Variants in ELAPOR2 observed in about 807,000 individuals in gnomAD.
ELAPOR2 encodes the protein endosome-lysosome associated apoptosis and autophagy regulator family member 2, also known as endosome/lysosome-associated apoptosis and autophagy regulator family member 2.
In ELAPOR2, 89 loss-of-function variants were observed where a neutral mutation model predicts 120.7. The observed-to-expected ratio is 0.74, with a 90% CI of 0.62 to 0.88. The LOEUF (loss-of-function observed/expected upper bound fraction) is 0.88. Ranked by LOEUF, ELAPOR2 falls within the 40% of genes least tolerant of loss-of-function variation. ELAPOR2 has a pLI of 0.00. For missense variants in ELAPOR2, 1,134 were observed against 1,251.6 expected (o/e 0.91, Z 1.42); for synonymous variants, 444 against 444.9 (o/e 1.00, Z 0.03).
At chr7:87,017,701 A>C (rs900236318) in intron 1 of ELAPOR2, among the ~76,000 whole-genome samples, 1 of 152,082 alleles carries the variant, frequency 6.6e-6, no homozygotes, top group Non-Finnish European at 1.5e-5. Flanking sequence ...TGGGCAGAAC[A>C]CTTGAGCTCA....
At chr7:86,929,242 G>A (rs929540320) in intron 8 of ELAPOR2, among the ~76,000 whole-genome samples, 2 of 151,932 alleles carry the variant, frequency 1.3e-5, no homozygotes, top group African/African-American at 4.8e-5. Context: ...CAAATTTTGA[G>A]ACTGGCTTTG....
intron 1 of ELAPOR2, among the ~76,000 whole-genome samples, chr7:87,050,415 T>C (rs1795067281): frequency 6.6e-6 from 1 of 152,088 alleles, no homozygotes; most frequent in African/African-American, 2.4e-5. Context: ...TACCTGCCCC[T>C]CCACTCACTC....
Position 86,897,538 on chromosome 7 carries a change from C to A in ELAPOR2, c.2653G>T (p.Glu885Ter). ...CPLCTEHDFH[E>*]IEGACKRGFQ... The stretch of plus-strand genomic sequence containing the variant: ...CCTCTCTTGCAGGCTCCCTCAATCT[C>A]ATGGAAGTCATGCTCCGTACACAGA... The change falls in exon 19 of 22, where the codon GAG becomes TAG. Residue 885 changes from glutamate (E) to a stop codon, truncating the protein, a stop_gained. Transcript: ENST00000450689. LOFTEE classifies it high-confidence loss of function. 6.2e-7 allele frequency: 1 copy of A among 1,613,262 alleles called. No individual in the cohort carries two copies. The highest frequency in any genetic ancestry group is 8.5e-7 in the Non-Finnish European group (1 of 1,179,482).
At chr7:86,935,299 C>T (rs1018947653) in intron 8 of ELAPOR2, among the ~76,000 whole-genome samples, 3 of 152,034 alleles carry the variant, frequency 2.0e-5, no homozygotes, top group East Asian at 1.9e-4. Flanking sequence ...TCTAGTCACA[C>T]ATCCTTTTAG....
At chr7:87,050,187 A>G (rs1795060478) in intron 1 of ELAPOR2, among the ~76,000 whole-genome samples, 1 of 152,194 alleles carries the variant, frequency 6.6e-6, no homozygotes, top group Non-Finnish European at 1.5e-5. Flanking sequence ...AAGAGGTGAC[A>G]TTAGAGGCTT....
At chr7:87,056,054 T>C (rs1444680979) in intron 1 of ELAPOR2, among the ~76,000 whole-genome samples, 1 of 152,238 alleles carries the variant, frequency 6.6e-6, no homozygotes, top group Non-Finnish European at 1.5e-5. Flanking sequence ...CTCTGAATTA[T>C]CTGTTGGCCT....
chr7:87,059,030 C>T (rs1001746716), intron 1 of ELAPOR2, among the ~76,000 whole-genome samples: 7 of 151,986 alleles, frequency 4.6e-5, no homozygotes, highest in Non-Finnish European at 1.0e-4. Context: ...ATCTTTCCCT[C>T]GACCCCAGGT....
intron 13 of ELAPOR2, 146 bp downstream of exon 13, chr7:86,914,577 C>T: frequency 1.9e-6 from 1 of 535,086 alleles, no homozygotes; most frequent in Non-Finnish European, 3.1e-6. Context: ...CATTTTATAC[C>T]ACTGAATCTA....
intron 1 of ELAPOR2, among the ~76,000 whole-genome samples, chr7:87,027,371 A>C (rs1412714561): frequency 1.3e-5 from 2 of 152,182 alleles, no homozygotes; most frequent in Non-Finnish European, 2.9e-5. Context: ...GGATTGAGTA[A>C]CTGGTAACTG....
intron 15 of ELAPOR2, among the ~76,000 whole-genome samples, chr7:86,911,071 C>T (rs1789284366): frequency 6.6e-6 from 1 of 151,818 alleles, no homozygotes; most frequent in Non-Finnish European, 1.5e-5. Context: ...GAGATAGAAG[C>T]TAGAGGTGAA....
chr7:87,047,307 A>C (rs1246729126), intron 1 of ELAPOR2, among the ~76,000 whole-genome samples: 2 of 152,250 alleles, frequency 1.3e-5, no homozygotes, highest in African/African-American at 4.8e-5. Flanking sequence ...CCACAGAAGC[A>C]CAGACAACCA....
At chr7:87,053,186 C>G (rs932336291) in intron 1 of ELAPOR2, among the ~76,000 whole-genome samples, 1 of 152,110 alleles carries the variant, frequency 6.6e-6, no homozygotes, top group Non-Finnish European at 1.5e-5. Context: ...AAGATCAATT[C>G]CTGTTTATAA....
intron 1 of ELAPOR2, among the ~76,000 whole-genome samples, chr7:86,988,148 G>A (rs1025088036): frequency 2.2e-4 from 33 of 152,296 alleles, no homozygotes; most frequent in Admixed American, 3.9e-4. Flanking sequence ...ACTGAACAAT[G>A]AGAACACTTG....
intron 8 of ELAPOR2, among the ~76,000 whole-genome samples, chr7:86,937,636 T>C (rs1288800778): frequency 2.6e-5 from 4 of 152,038 alleles, no homozygotes; most frequent in Non-Finnish European, 4.4e-5. Context: ...GGCTGCATGG[T>C]TTTTACTGAC....
intron 1 of ELAPOR2, among the ~76,000 whole-genome samples, chr7:87,019,439 A>G (rs892408840): frequency 6.6e-6 from 1 of 152,132 alleles, no homozygotes; most frequent in Non-Finnish European, 1.5e-5. Flanking sequence ...GCTGGGATTA[A>G]AGGAATGAGC....
intron 15 of ELAPOR2, 110 bp from the exon 16 acceptor site, chr7:86,910,111 G>A: frequency 1.3e-6 from 1 of 792,316 alleles, no homozygotes. Flanking sequence ...TCACTGCAAG[G>A]ATTCTGATTT....
At chr7:86,980,920 G>A (rs985294305) in intron 1 of ELAPOR2, among the ~76,000 whole-genome samples, 1 of 152,148 alleles carries the variant, frequency 6.6e-6, no homozygotes, top group Non-Finnish European at 1.5e-5. Flanking sequence ...CTCACCATTT[G>A]CTCTTCAGAT....
At chr7:86,890,944 ATCTTCTT>A (rs3057439) in intron 21 of ELAPOR2, among the ~76,000 whole-genome samples, 17,185 of 151,838 alleles carry the variant, frequency 0.11, 1,003 homozygotes, top group African/African-American at 0.14. Flanking sequence ...TTTGAAAGTC[ATCTTCTT>A]TCTTCTATTT....
At chr7:87,018,712 T>G (rs1022793582) in intron 1 of ELAPOR2, among the ~76,000 whole-genome samples, 2 of 152,200 alleles carry the variant, frequency 1.3e-5, no homozygotes, top group Non-Finnish European at 2.9e-5. Context: ...CAAGCATATA[T>G]TGTGGAAATG....
Sources: gnomAD v4.1 joint callset for allele counts (sites outside exome capture counted in the v4.1 genomes callset) on GRCh38, gnomAD v4.1.1 for gene constraint, MANE v1.5 for transcripts, NCBI Gene and HGNC (gene_info 2026-07-23, HGNC 2026-07-21) for gene names.